C3orf49: variants seen among roughly 807,000 people sequenced by gnomAD.
C3orf49 encodes the protein putative uncharacterized protein C3orf49.
A neutral mutation model predicts 13.3 loss-of-function variants in C3orf49; 27 were observed. The observed-to-expected ratio is 2.02, with a 90% CI of 1.49 to 2.79. The LOEUF is 2.79. C3orf49 is among the 30% of genes most tolerant of loss of function. The pLI is 0.00. For missense variants in C3orf49, 242 were observed against 134.2 expected, an observed-to-expected ratio of 1.80 and a Z score of -3.97; for synonymous variants, 87 against 47.6, an observed-to-expected ratio of 1.83 and a Z score of -3.40.
chr3:63,825,983 G>C lies in C3orf49; in HGVS notation c.446-1618G>C, dbSNP rs1701460926. Among the ~76,000 whole-genome samples the C allele has an allele frequency of 3.3e-5, 5 of 152,190 alleles. 1 individual carries two copies. The South Asian group carries it at 6.2e-4, about 19-fold the overall frequency. On this transcript the variant is annotated intron_variant, in intron 2 of 6. Transcript: ENST00000295896. The stretch of plus-strand genomic sequence containing the variant: ...ATAAAGATGGCTTACACAAGGTGGA[G>C]GGGGGAGAACAGTTTCCCAGGAATA...
chr3:63,800,913 G>A, the C3orf49 span, among the ~76,000 whole-genome samples: 1 of 152,142 alleles, frequency 6.6e-6, no homozygotes, highest in Non-Finnish European at 1.5e-5. Flanking sequence ...CAGGATATGT[G>A]GATAGCCAAA....
At chr3:63,800,475 T>C in the C3orf49 span, among the ~76,000 whole-genome samples, 1 of 152,134 alleles carries the variant, frequency 6.6e-6, no homozygotes, top group Non-Finnish European at 1.5e-5. Flanking sequence ...AAACCTATAA[T>C]AATAATAATA....
At chr3:63,807,655 G>A in the C3orf49 span, among the ~76,000 whole-genome samples, 4 of 151,848 alleles carry the variant, frequency 2.6e-5, no homozygotes, top group South Asian at 2.1e-4. Context: ...CTGGGAGTTC[G>A]AGGACAGCCT....
At chr3:63,847,839 T>C (rs1338990708) in intron 6 of C3orf49, among the ~76,000 whole-genome samples, 2 of 152,142 alleles carry the variant, frequency 1.3e-5, no homozygotes, top group Non-Finnish European at 2.9e-5. Flanking sequence ...AAAAATAAAA[T>C]TCTAAGCCCT....
chr3:63,835,060 T>G (rs890340876), intron 5 of C3orf49: 1 of 1,244,456 alleles, frequency 8.0e-7, no homozygotes, highest in Non-Finnish European at 1.1e-6. Flanking sequence ...ATTGAAGGTA[T>G]ACTGTCTCTC....
At chr3:63,842,666 C>G (rs1701793136) in intron 5 of C3orf49, among the ~76,000 whole-genome samples, 1 of 151,976 alleles carries the variant, frequency 6.6e-6, no homozygotes, top group African/African-American at 2.4e-5. Context: ...CCAAAACATA[C>G]AGAGTGACAT....
At chr3:63,802,417 C>T in the C3orf49 span, among the ~76,000 whole-genome samples, 3 of 152,282 alleles carry the variant, frequency 2.0e-5, no homozygotes, top group Non-Finnish European at 4.4e-5. Flanking sequence ...ACAGTATTTC[C>T]ATCCTTGTAC....
At chr3:63,790,159 C>A in the C3orf49 span, among the ~76,000 whole-genome samples, 3 of 152,124 alleles carry the variant, frequency 2.0e-5, no homozygotes, top group Non-Finnish European at 4.4e-5. Context: ...TCCTGAGAGC[C>A]TCTATCCATC....
At chr3:63,810,424 A>G in the C3orf49 span, among the ~76,000 whole-genome samples, 2 of 152,306 alleles carry the variant, frequency 1.3e-5, no homozygotes, top group Non-Finnish European at 2.9e-5. Flanking sequence ...TAGGCACTTA[A>G]TAGAGATTTG....
chr3:63,808,378 T>C, the C3orf49 span, among the ~76,000 whole-genome samples: 1 of 152,188 alleles, frequency 6.6e-6, no homozygotes, highest in Admixed American at 6.5e-5. Context: ...TCTAACCCTG[T>C]GGTGTCAGGA....
chr3:63,787,303 T>A, the C3orf49 span: 6 of 152,202 alleles, frequency 3.9e-5, no homozygotes, highest in Non-Finnish European at 8.8e-5. Flanking sequence ...ATAATAATGC[T>A]TATTTCATGG....
At chr3:63,839,584 C>T in intron 5 of C3orf49, 1 of 1,278,036 alleles carries the variant, frequency 7.8e-7, no homozygotes, top group East Asian at 2.3e-5. Context: ...TTGATCTACT[C>T]ACAGGACCTT....
the C3orf49 span, among the ~76,000 whole-genome samples, chr3:63,797,956 C>G: frequency 1.3e-5 from 2 of 152,176 alleles, no homozygotes; most frequent in Admixed American, 6.5e-5. Context: ...TTTCACCTTT[C>G]ATCTTTCTAA....
At chr3:63,802,520 A>G in the C3orf49 span, among the ~76,000 whole-genome samples, 5 of 152,202 alleles carry the variant, frequency 3.3e-5, no homozygotes, top group Non-Finnish European at 7.3e-5. Context: ...TAATTGAACT[A>G]CTTCTAAAGC....
At chr3:63,835,409 T>G in intron 5 of C3orf49, 1 of 1,611,192 alleles carries the variant, frequency 6.2e-7, no homozygotes, top group Non-Finnish European at 8.5e-7. Flanking sequence ...AATAAAACAG[T>G]GTTACATTTT....
chr3:63,800,190 A>G, the C3orf49 span, among the ~76,000 whole-genome samples: 2 of 152,198 alleles, frequency 1.3e-5, no homozygotes, highest in African/African-American at 4.8e-5. Context: ...AATCACACAT[A>G]AAACCACTAG....
intron 6 of C3orf49, among the ~76,000 whole-genome samples, chr3:63,845,660 G>C (rs1021330530): frequency 3.3e-5 from 5 of 152,104 alleles, no homozygotes; most frequent in Non-Finnish European, 7.4e-5. Context: ...ATCTGACTGG[G>C]TCAGACAAAA....
At chr3:63,834,205 A>G (rs111781033) in intron 5 of C3orf49, 1 of 1,613,812 alleles carries the variant, frequency 6.2e-7, no homozygotes, top group South Asian at 1.1e-5. Flanking sequence ...ATCATCTGTA[A>G]TTGAGAAGGA....
At chr3:63,800,826 G>T in the C3orf49 span, among the ~76,000 whole-genome samples, 2 of 152,134 alleles carry the variant, frequency 1.3e-5, no homozygotes, top group Admixed American at 1.3e-4. Context: ...CAGGAACCTT[G>T]AGGCAGTAAG....
Sources: allele counts gnomAD v4.1 joint callset (sites outside exome capture counted in the v4.1 genomes callset), GRCh38; gene constraint gnomAD v4.1.1; transcripts MANE v1.5; gene names NCBI Gene and HGNC (gene_info 2026-07-23, HGNC 2026-07-21).